Variants in EIF2D observed in about 807,000 individuals in gnomAD.
EIF2D encodes the protein hepatocellular carcinoma-associated antigen 56.
EIF2D carries 56 observed loss-of-function variants against 77.4 expected under a neutral mutation model. The observed-to-expected ratio is 0.72, with a 90% CI of 0.58 to 0.90. The LOEUF (loss-of-function observed/expected upper bound fraction) is 0.90. EIF2D is among the 40% of genes least tolerant of loss of function. The pLI is 0.00. For missense variants in EIF2D, 574 were observed against 706.5 expected, an observed-to-expected ratio of 0.81 and a Z score of 2.13; for synonymous variants, 230 against 271.0, an observed-to-expected ratio of 0.85 and a Z score of 1.49.
Position 206,599,459 on chromosome 1 carries a change from T to C in EIF2D, c.1202+4A>G. The C allele has an allele frequency of 6.2e-7, 1 of 1,613,424 alleles. No homozygotes were observed. The highest frequency in any genetic ancestry group is 8.5e-7 in the Non-Finnish European group (1 of 1,179,806). On this transcript the variant is annotated splice_donor_region_variant and intron_variant, in intron 10 of 14. Coordinates refer to ENST00000271764, the MANE Select transcript of EIF2D (RefSeq NM_006893.3). This position sits in a 1 kb window ranked among gnomAD's most constrained non-coding sequence, Gnocchi z 4.1. ...CAGAGAAGGGCTGCTCTCCAAAAAC[T>C]CACTTGTGGCCAGACTCCTGGAAGA...
In EIF2D at chr1:206,593,755, G is replaced by T. The variant is rs1553409505; in HGVS notation, c.1548C>A (p.Asp516Glu). The T allele has an allele frequency of 6.2e-7, 1 of 1,610,912 alleles. No homozygotes were observed. Among genetic ancestry groups the T allele is most frequent in the Admixed American group, 1.7e-5 (1 of 59,842 alleles). The change falls in exon 14 of 15, where the codon GAC becomes GAA. Residue 516 changes from aspartate (D) to glutamate (E), a missense_variant. Transcript: ENST00000271764. ...GAAGGATGGCAGCCACTGAGTATGG[G>T]TCCAGACCATAGGCCTCCAAGTTCC... ...VVRNLEAYGL[D>E]PYSVAAILQQ...
At chr1:206,605,013 A>G (rs1553412360) in intron 5 of EIF2D, 1 of 156,824 alleles carries the variant, frequency 6.4e-6, no homozygotes, top group Non-Finnish European at 1.4e-5. Flanking sequence ...CCTGGAGTCT[A>G]AAGGTCTACC....
chr1:206,602,935 C>G lies in EIF2D; in HGVS notation c.784+16G>C, dbSNP rs782138260. 1 of 1,612,900 alleles carries G rather than the reference C, an allele frequency of 6.2e-7. No individual in the cohort carries two copies. The highest frequency in any genetic ancestry group is 1.1e-5 in the South Asian group (1 of 90,996). ...GAGAGGTGGGGAGATGGGCTCTTCT[C>G]CTCCTAGAGTTATACCTTGAAGCGT... On this transcript the variant is annotated intron_variant, in intron 6 of 14. Coordinates refer to ENST00000271764, the MANE Select transcript of EIF2D (RefSeq NM_006893.3).
downstream of EIF2D, chr1:206,586,652 A>G (rs7537981): frequency 9.8e-6 from 6 of 615,244 alleles, no homozygotes; most frequent in Non-Finnish European, 1.7e-5. Context: ...TGTTGCTGCT[A>G]TGACAGGCAT....
At position 206,599,590 on chromosome 1, in the gene EIF2D, CG is replaced by C. The variant is rs1558534844; in HGVS notation, c.1074del (p.Glu359SerfsTer23). 6.3e-7 allele frequency: 1 copy of C among 1,598,794 alleles called. No individual in the cohort carries two copies. Among genetic ancestry groups the C allele is most frequent in the Admixed American group, 1.7e-5 (1 of 57,540 alleles). On this transcript the variant is annotated frameshift_variant, in exon 10 of 15. Transcript: ENST00000271764. LOFTEE classifies it high-confidence loss of function. The surrounding 1 kb of genome is among the most constrained non-coding windows in gnomAD (Gnocchi z 4.1). ...ATAGTCTGGGAGGTCGGGGAGGGCT[CG>C]GGTATGACGAAAGATGTAATCCTAA... Reference protein sequence around the residue: ...KHPRITSFVIPEPSPTSQTIQ... With the variant: ...KHPRITSFVIXEPSPTSQTIQ...
At chr1:206,588,656 C>T (rs1268815464), downstream of EIF2D, 1 of 152,422 alleles carries the variant, frequency 6.6e-6, no homozygotes, top group African/African-American at 2.4e-5. Flanking sequence ...AATGCTGACC[C>T]CTCGTCGTAT....
At chr1:206,588,860 CATT>C (rs1461029600), downstream of EIF2D, 3 of 152,702 alleles carry the variant, frequency 2.0e-5, no homozygotes, top group African/African-American at 7.2e-5. Context: ...ATGTCTCTAA[CATT>C]AATAGAAGGC....
At position 206,599,362 on chromosome 1, in the gene EIF2D, GAGC is replaced by G. The variant is rs1353235388; in HGVS notation, c.1202+98_1202+100del. The G allele has an allele frequency of 1.1e-5, 16 of 1,454,262 alleles. No homozygotes were observed. In the Admixed American group the frequency reaches 2.7e-4, roughly 25 times the overall value. The allele number at this position is 1,454,262 out of a possible 1,614,324, so 90.1% of individuals were successfully genotyped here. The stretch of plus-strand genomic sequence containing the variant: ...TTTGGAGAAGGGGAGAACAGGGGCA[GAGC>G]AGGTTTTGCCAGTCGCAAAAGAGCA... On this transcript the variant is annotated intron_variant, in intron 10 of 14. Transcript: ENST00000271764. The surrounding 1 kb of genome is among the most constrained non-coding windows in gnomAD (Gnocchi z 4.1).
In EIF2D at chr1:206,592,530, C is replaced by G. The variant is rs999001439; in HGVS notation, c.1685-685G>C. Among the ~76,000 whole-genome samples the G allele has an allele frequency of 1.1e-4, 17 of 152,188 alleles. No individual in the cohort carries two copies. The highest frequency in any genetic ancestry group is 4.1e-4 in the South Asian group (2 of 4,836). On this transcript the variant is annotated intron_variant, in intron 14 of 14. Coordinates refer to ENST00000271764, the MANE Select transcript of EIF2D (RefSeq NM_006893.3). This position sits in a 1 kb window ranked among gnomAD's most constrained non-coding sequence, Gnocchi z 4.7. ...ATGTGGGTGAACATGCAAGGAGAAT[C>G]TGGAGAACTGCAAGGAGACCAGGAC... is the stretch of plus-strand genomic sequence containing the variant.
chr1:206,591,952 T>A (rs1224025464), intron 14 of EIF2D, 107 bp from the exon 15 acceptor site: 1 of 1,109,848 alleles, frequency 9.0e-7, no homozygotes, highest in East Asian at 2.4e-5. Context: ...CAGCTCAAAC[T>A]CAACTTCGGG....
Position 206,599,485 on chromosome 1 carries a change from G to A in EIF2D, c.1180C>T (p.Leu394Phe). Residue 394 changes from leucine to phenylalanine, a missense_variant, in exon 10 of 15, where the codon CTC becomes TTC. Transcript: ENST00000271764. The surrounding 1 kb of genome is among the most constrained non-coding windows in gnomAD (Gnocchi z 4.1). ...LYCVPASMTL[L>F]FQESGHKKGS... is the part of the protein sequence containing the mutation. ...CACTTGTGGCCAGACTCCTGGAAGA[G>A]CAGGGTCATGCTGGCTGGGACACAG... 6.2e-7 allele frequency: 1 copy of A among 1,613,996 alleles called. No homozygotes were observed. The highest frequency in any genetic ancestry group is 8.5e-7 in the Non-Finnish European group (1 of 1,179,946).
Position 206,584,702 on chromosome 1 carries a change from C to A in EIF2D, c.139-3540G>T, listed in dbSNP as rs781873516. 6.2e-7 allele frequency: 1 copy of A among 1,613,784 alleles called. No individual in the cohort carries two copies. The highest frequency in any genetic ancestry group is 8.5e-7 in the Non-Finnish European group (1 of 1,179,776). Reference sequence around the variant, plus strand: ...CGGACAAGGTAGGAGAAAGAGTGAACCCAACCAGACCGTTCCCTTCCTACC... The same window carrying A: ...CGGACAAGGTAGGAGAAAGAGTGAAACCAACCAGACCGTTCCCTTCCTACC... On this transcript the variant is annotated intron_variant and NMD_transcript_variant, in intron 2 of 5. Transcript: ENST00000472709. The surrounding 1 kb of genome is among the most constrained non-coding windows in gnomAD (Gnocchi z 4.9).
Position 206,596,118 on chromosome 1 carries a change from G to A in EIF2D, c.1389-280C>T, listed in dbSNP as rs187200723. Among the ~76,000 whole-genome samples, 145 of 152,312 alleles carry A rather than the reference G, an allele frequency of 9.5e-4. 1 individual carries two copies. Among genetic ancestry groups the A allele is most frequent in the Non-Finnish European group, 1.5e-3 (101 of 68,014 alleles). ...ATCAGTGACTTAGGCCCCTGGAAAC[G>A]GTCCACTGACCTGGCCTTTTGAGAA... On this transcript the variant is annotated intron_variant, in intron 12 of 14. Transcript: ENST00000271764.
downstream of EIF2D, chr1:206,589,205 A>G (rs1669261238): frequency 6.6e-6 from 1 of 152,636 alleles, no homozygotes; most frequent in African/African-American, 2.4e-5. Context: ...TGTTTCCAGG[A>G]TATTTTCTTT....
intron 12 of EIF2D, 135 bp from the exon 13 acceptor site, chr1:206,595,973 A>G (rs1229357215): frequency 1.6e-6 from 2 of 1,226,490 alleles, no homozygotes; most frequent in Non-Finnish European, 2.3e-6. Context: ...GAATCATTCA[A>G]ATCCCTAGGG....
downstream of EIF2D, chr1:206,589,244 A>G (rs1669263851): frequency 6.5e-6 from 1 of 152,736 alleles, no homozygotes; most frequent in Admixed American, 6.5e-5. Flanking sequence ...TGGGTTTTAA[A>G]AAAAAGTAAT....
rs377591079 is a variant in EIF2D at position 206,603,109 on chromosome 1, G to A, written c.626C>T (p.Ser209Phe). The change falls in exon 6 of 15, where the codon TCC (serine) becomes TTC (phenylalanine). Residue 209 changes from serine (S) to phenylalanine (F), a missense_variant. By Grantham distance (155) the Ser-to-Phe change is radical. Transcript: ENST00000271764. Reference sequence around the variant, plus strand: ...GTGCCTCATGTCTCCCTGCAGGGTGGAGTCCATCTGGACAGACCCCTTCTC... The same window carrying A: ...GTGCCTCATGTCTCCCTGCAGGGTGAAGTCCATCTGGACAGACCCCTTCTC... ...SEEKGSVQMD[S>F]TLQGDMRHMT... 1 of 1,613,974 alleles carries A rather than the reference G, an allele frequency of 6.2e-7. No homozygotes were observed. Among genetic ancestry groups the A allele is most frequent in the African/African-American group, 1.3e-5 (1 of 74,876 alleles).
intron 2 of EIF2D, among the ~76,000 whole-genome samples, chr1:206,609,708 CA>C (rs1558542389): frequency 6.6e-6 from 1 of 152,058 alleles, no homozygotes; most frequent in Non-Finnish European, 1.5e-5. Context: ...TCACAGTGGA[CA>C]AAAAAGTGAG....
In EIF2D at chr1:206,599,652, C is replaced by T. The variant is rs1487618823; in HGVS notation, c.1053-40G>A. The T allele has an allele frequency of 1.9e-6, 3 of 1,606,584 alleles. No homozygotes were observed. The highest frequency in any genetic ancestry group is 2.5e-6 in the Non-Finnish European group (3 of 1,176,950). ...AAGGAAAGAAAAAACACATTTTATA[C>T]TAGCATCTCAGCAATCCCCAGTCCG... On this transcript the variant is annotated intron_variant, in intron 9 of 14. Coordinates refer to ENST00000271764, the MANE Select transcript of EIF2D (RefSeq NM_006893.3). This position sits in a 1 kb window ranked among gnomAD's most constrained non-coding sequence, Gnocchi z 4.1.
Sources: allele counts gnomAD v4.1 joint callset (sites outside exome capture counted in the v4.1 genomes callset), GRCh38; gene constraint gnomAD v4.1.1; non-coding constraint Gnocchi (gnomAD v3.1); transcripts MANE v1.5; gene names NCBI Gene and HGNC (gene_info 2026-07-23, HGNC 2026-07-21).